PRPF18: variants seen among roughly 807,000 people sequenced by gnomAD.
The protein encoded by PRPF18 is pre-mRNA processing factor 18.
In PRPF18, 38 loss-of-function variants were observed where a neutral mutation model predicts 46.5. That is an observed-to-expected ratio of 0.82 (90% CI 0.63 to 1.07). PRPF18 has a LOEUF of 1.07. PRPF18 is among the 50% of genes least tolerant of loss of function. The pLI is 0.00. For missense variants in PRPF18, 263 were observed against 410.0 expected (o/e 0.64, Z 3.10); for synonymous variants, 152 against 146.7 (o/e 1.04, Z -0.26).
At chr10:13,623,357 T>A (rs1326349043) in intron 9 of PRPF18, among the ~76,000 whole-genome samples, 1 of 152,210 alleles carries the variant, frequency 6.6e-6, no homozygotes, top group Non-Finnish European at 1.5e-5. Flanking sequence ...TCCTATAGTA[T>A]GAAGTTAGGA....
the PRPF18 span, chr10:13,640,738 T>G: frequency 4.6e-5 from 7 of 152,432 alleles, no homozygotes; most frequent in African/African-American, 1.7e-4. Flanking sequence ...TACTCTCACA[T>G]GTTTTTGTTG....
the PRPF18 span, chr10:13,654,510 C>T: frequency 8.1e-6 from 13 of 1,603,388 alleles, no homozygotes; most frequent in Middle Eastern, 3.3e-4. Flanking sequence ...TGAGGTAAGG[C>T]AGCTACATGC....
At chr10:13,592,187 G>A in intron 1 of PRPF18, 1 of 622,918 alleles carries the variant, frequency 1.6e-6, no homozygotes, top group Non-Finnish European at 3.0e-6. Context: ...GGACAGGGTT[G>A]TGCTGCAATG....
chr10:13,650,174 G>A, the PRPF18 span, among the ~76,000 whole-genome samples: 10 of 152,218 alleles, frequency 6.6e-5, no homozygotes, highest in Non-Finnish European at 1.2e-4. Flanking sequence ...TTGGCATAGG[G>A]AGGTGGGGCT....
At chr10:13,616,285 C>G (rs979466949) in intron 8 of PRPF18, 113 bp from the exon 9 acceptor site, 1 of 1,131,970 alleles carries the variant, frequency 8.8e-7, no homozygotes, top group Admixed American at 2.4e-5. Flanking sequence ...TTTCCATGTG[C>G]CCAAAAGGTG....
chr10:13,643,351 A>G, the PRPF18 span: 2 of 152,258 alleles, frequency 1.3e-5, no homozygotes, highest in Non-Finnish European at 2.9e-5. Flanking sequence ...GCTGGCACAT[A>G]TTACACACAG....
intron 1 of PRPF18, among the ~76,000 whole-genome samples, chr10:13,590,115 G>T (rs1474641891): frequency 1.3e-5 from 1 of 78,194 alleles, no homozygotes; most frequent in Non-Finnish European, 3.0e-5. Flanking sequence ...CTACAAAAAT[G>T]ATCATTAAAA....
chr10:13,600,175 G>A, intron 2 of PRPF18, 69 bp from the exon 3 acceptor site: 1 of 1,216,762 alleles, frequency 8.2e-7, no homozygotes, highest in South Asian at 1.5e-5. Context: ...CCATAGCTAA[G>A]GTAATGGAAT....
chr10:13,645,363 A>ACCCCCAT, the PRPF18 span: 1 of 144,394 alleles, frequency 6.9e-6, no homozygotes, highest in Non-Finnish European at 1.5e-5. Flanking sequence ...TTCCACCCCC[A>ACCCCCAT]CCCCATCCCC....
In PRPF18 at chr10:13,611,580, A is replaced by G. The variant is rs767550422; in HGVS notation, c.511-35A>G. Reference sequence around the variant, plus strand: ...TATATATGTTTAGTTGTTGCTCTGTATTAATGAACAGAAGCATTGTTTCTT... The same window carrying G: ...TATATATGTTTAGTTGTTGCTCTGTGTTAATGAACAGAAGCATTGTTTCTT... On this transcript the variant is annotated intron_variant, in intron 5 of 9. Coordinates refer to ENST00000378572, the MANE Select transcript of PRPF18 (RefSeq NM_003675.4). 2.9e-5 allele frequency: 46 copies of G among 1,566,870 alleles called. No homozygotes were observed. The South Asian group carries it at 4.9e-4, about 17-fold the overall frequency.
chr10:13,609,457 G>T (rs899022057), intron 4 of PRPF18, among the ~76,000 whole-genome samples: 1 of 152,132 alleles, frequency 6.6e-6, no homozygotes, highest in Non-Finnish European at 1.5e-5. Context: ...TGTTTCCTTG[G>T]CTCTTAAACC....
In PRPF18 at chr10:13,597,470, TATTTC is replaced by T; in HGVS notation, c.81_85del (p.Tyr27Ter). The T allele has an allele frequency of 6.3e-7, 1 of 1,597,518 alleles. No individual in the cohort carries two copies. The highest frequency in any genetic ancestry group is 2.2e-5 in the East Asian group (1 of 44,558). On this transcript the variant is annotated frameshift_variant, in exon 2 of 10. Coordinates refer to ENST00000378572, the MANE Select transcript of PRPF18 (RefSeq NM_003675.4). LOFTEE classifies it high-confidence loss of function. ...TTTTCTTTAATAGGAAAATAAAAAATATTTCAAGCGTAGTGAGCTCGCCAAAAAAG... is the reference window on the plus strand; with the variant it reads ...TTTTCTTTAATAGGAAAATAAAAAATAAGCGTAGTGAGCTCGCCAAAAAAG...
At chr10:13,646,503 C>T in the PRPF18 span, 1 of 152,238 alleles carries the variant, frequency 6.6e-6, no homozygotes, top group Non-Finnish European at 1.5e-5. Context: ...TCATGAAGTG[C>T]TTGGTTGGCC....
At chr10:13,640,195 G>A in the PRPF18 span, 1 of 152,268 alleles carries the variant, frequency 6.6e-6, no homozygotes, top group Non-Finnish European at 1.5e-5. Flanking sequence ...TCCCAGCCTT[G>A]CCTCTGGTTC....
At chr10:13,600,489 A>G in intron 3 of PRPF18, 141 bp downstream of exon 3, 1 of 575,606 alleles carries the variant, frequency 1.7e-6, no homozygotes, top group African/African-American at 1.9e-5. Context: ...AGTTTTCTTC[A>G]TGAAGTTCTA....
At chr10:13,619,254 A>G (rs2080390693) in intron 9 of PRPF18, among the ~76,000 whole-genome samples, 1 of 152,194 alleles carries the variant, frequency 6.6e-6, no homozygotes, top group African/African-American at 2.4e-5. Flanking sequence ...AAATGGTAGA[A>G]CTTTCTGATG....
At chr10:13,598,991 G>A (rs755652488) in intron 2 of PRPF18, among the ~76,000 whole-genome samples, 2 of 152,158 alleles carry the variant, frequency 1.3e-5, no homozygotes, top group Non-Finnish European at 2.9e-5. Flanking sequence ...TGATAACTTC[G>A]AGTCCAGCTC....
intron 4 of PRPF18, among the ~76,000 whole-genome samples, chr10:13,607,603 G>T (rs1432608160): frequency 1.3e-5 from 2 of 152,108 alleles, no homozygotes; most frequent in African/African-American, 2.4e-5. Flanking sequence ...TAGAGATGAG[G>T]CCTCCTCATG....
At chr10:13,634,440 A>T (rs1467291451), downstream of PRPF18, among the ~76,000 whole-genome samples, 1 of 152,268 alleles carries the variant, frequency 6.6e-6, no homozygotes, top group Non-Finnish European at 1.5e-5. Flanking sequence ...AGGCCGGGAC[A>T]GTCAAGAGTC....
Sources: allele counts gnomAD v4.1 joint callset (sites outside exome capture counted in the v4.1 genomes callset), GRCh38; gene constraint gnomAD v4.1.1; transcripts MANE v1.5; gene names NCBI Gene and HGNC (gene_info 2026-07-23, HGNC 2026-07-21).